FARS2: variants seen among roughly 807,000 people sequenced by gnomAD.
The protein encoded by FARS2 is phenylalanine--tRNA ligase, mitochondrial.
In FARS2, 40 loss-of-function variants were observed where a neutral mutation model predicts 46.4. The observed-to-expected ratio is 0.86, with a 90% confidence interval of 0.67 to 1.12. The LOEUF is 1.12. Ranked by LOEUF, FARS2 falls within the 50% of genes most tolerant of loss-of-function variation. The pLI is 0.00. For synonymous variants in FARS2, 234 were observed against 214.9 expected, an observed-to-expected ratio of 1.09 and a Z score of -0.78; for missense variants, 513 against 567.9, an observed-to-expected ratio of 0.90 and a Z score of 0.98.
chr6:5,285,964 G>A (rs73718040), intron 1 of FARS2, among the ~76,000 whole-genome samples: 5,630 of 152,136 alleles, frequency 0.037, 358 homozygotes, highest in African/African-American at 0.13. Flanking sequence ...TCCCACCCAC[G>A]GTCTCATACA....
At chr6:5,707,375 C>T (rs1358157336) in intron 6 of FARS2, among the ~76,000 whole-genome samples, 2 of 152,172 alleles carry the variant, frequency 1.3e-5, no homozygotes, top group South Asian at 2.1e-4. Context: ...CATCTGAAAA[C>T]CTTGGTGCTA....
intron 1 of FARS2, among the ~76,000 whole-genome samples, chr6:5,284,592 A>G (rs1766982108): frequency 6.6e-6 from 1 of 152,106 alleles, no homozygotes; most frequent in African/African-American, 2.4e-5. Context: ...TTTATATGTT[A>G]TTTATCACTG....
At chr6:5,521,457 G>A (rs377370807) in intron 4 of FARS2, among the ~76,000 whole-genome samples, 3 of 152,064 alleles carry the variant, frequency 2.0e-5, no homozygotes, top group East Asian at 3.9e-4. Flanking sequence ...TTTATTTCCT[G>A]TTGTGTCCCC....
intron 1 of FARS2, among the ~76,000 whole-genome samples, chr6:5,364,533 TTAA>T (rs1398910175): frequency 6.6e-6 from 1 of 152,190 alleles, no homozygotes; most frequent in Non-Finnish European, 1.5e-5. Flanking sequence ...GAAGATTTTA[TTAA>T]TAGTGTAGAA....
chr6:5,354,060 A>G (rs368843830), intron 1 of FARS2, among the ~76,000 whole-genome samples: 10 of 150,326 alleles, frequency 6.7e-5, no homozygotes, highest in African/African-American at 2.2e-4. Flanking sequence ...TCTCCATCTC[A>G]TCTAGAGATT....
chr6:5,399,727 A>G (rs914236425), intron 2 of FARS2, among the ~76,000 whole-genome samples: 4 of 152,188 alleles, frequency 2.6e-5, no homozygotes, highest in African/African-American at 9.7e-5. Flanking sequence ...AGCAAGTAAT[A>G]TATGCCCTCT....
chr6:5,634,852 A>T (rs755797063), intron 6 of FARS2, among the ~76,000 whole-genome samples: 69 of 152,316 alleles, frequency 4.5e-4, no homozygotes, highest in Admixed American at 3.7e-3. Flanking sequence ...GGGCAGATTG[A>T]TCAATTTCCT....
chr6:5,383,461 G>A (rs1424737), intron 2 of FARS2, among the ~76,000 whole-genome samples: 35,665 of 152,106 alleles, frequency 0.23, 5,310 homozygotes, highest in East Asian at 0.42. Context: ...CTAGCGAAAC[G>A]AGAGGCAAAT....
chr6:5,443,545 C>T (rs1297384974), intron 4 of FARS2, among the ~76,000 whole-genome samples: 2 of 152,166 alleles, frequency 1.3e-5, no homozygotes, highest in Non-Finnish European at 1.5e-5. Context: ...TTTTTTTGCC[C>T]TTTTTAGCTT....
intron 4 of FARS2, among the ~76,000 whole-genome samples, chr6:5,539,696 CT>C (rs773216899): frequency 1.1e-4 from 16 of 152,194 alleles, no homozygotes; most frequent in Non-Finnish European, 1.9e-4. Flanking sequence ...TGATTAATGA[CT>C]TTAATTTTAA....
intron 5 of FARS2, among the ~76,000 whole-genome samples, chr6:5,602,670 A>AAAAAG (rs1554114901): frequency 7.3e-6 from 1 of 137,686 alleles, no homozygotes; most frequent in Non-Finnish European, 1.5e-5. Context: ...AAAAAAAAAA[A>AAAAAG]GGGAACCTCC....
At chr6:5,739,296 G>C (rs1374184448) in intron 6 of FARS2, among the ~76,000 whole-genome samples, 1 of 148,016 alleles carries the variant, frequency 6.8e-6, no homozygotes, top group African/African-American at 2.5e-5. Context: ...AGGAGTTCAA[G>C]ACTAGCTTGG....
rs978728182 is a variant in FARS2 at position 5,395,045 on chromosome 6, G to A, written c.613-9497G>A. On this transcript the variant is annotated intron_variant, in intron 2 of 6. Coordinates refer to ENST00000274680, the MANE Select transcript of FARS2 (RefSeq NM_006567.5). The stretch of plus-strand genomic sequence containing the variant: ...AGTTCTCTTTTCTAGCTGAATGACC[G>A]TCAACATTGTGCTGATTGGTTTTGA... 7.2e-5 allele frequency among the ~76,000 whole-genome samples: 11 copies of A among 151,756 alleles called. No homozygotes were observed. The East Asian group carries it at 9.7e-4, about 13-fold the overall frequency.
chr6:5,287,804 T>C (rs1323812864), intron 1 of FARS2, among the ~76,000 whole-genome samples: 5 of 152,208 alleles, frequency 3.3e-5, no homozygotes, highest in African/African-American at 4.8e-5. Flanking sequence ...CTTCTTCAAA[T>C]TACTCCAGCC....
chr6:5,644,427 A>T (rs536159583), intron 6 of FARS2, among the ~76,000 whole-genome samples: 1 of 152,024 alleles, frequency 6.6e-6, no homozygotes, highest in Non-Finnish European at 1.5e-5. Context: ...TGTTGCTCAG[A>T]CTGGTCTTGA....
chr6:5,717,039 G>T (rs1259823167), intron 6 of FARS2, among the ~76,000 whole-genome samples: 1 of 152,240 alleles, frequency 6.6e-6, no homozygotes, highest in African/African-American at 2.4e-5. Flanking sequence ...AGCAAGTCCT[G>T]TCTCTTCAGA....
intron 6 of FARS2, among the ~76,000 whole-genome samples, chr6:5,657,108 C>T (rs1316850413): frequency 1.3e-5 from 2 of 152,126 alleles, no homozygotes; most frequent in African/African-American, 4.8e-5. Flanking sequence ...ATATGTATCA[C>T]AATATGTGAA....
At chr6:5,731,883 T>A (rs1169787288) in intron 6 of FARS2, among the ~76,000 whole-genome samples, 1 of 152,150 alleles carries the variant, frequency 6.6e-6, no homozygotes, top group East Asian at 1.9e-4. Flanking sequence ...GTTTATTCTT[T>A]CATGTTTCAT....
chr6:5,493,760 ATAG>A (rs1430612986), intron 4 of FARS2, among the ~76,000 whole-genome samples: 21 of 152,380 alleles, frequency 1.4e-4, no homozygotes, highest in African/African-American at 5.0e-4. Flanking sequence ...GGTCTCTTAC[ATAG>A]TAGGTGCTCA....
Sources: gnomAD v4.1 joint callset for allele counts (sites outside exome capture counted in the v4.1 genomes callset) on GRCh38, gnomAD v4.1.1 for gene constraint, MANE v1.5 for transcripts, NCBI Gene and HGNC (gene_info 2026-07-23, HGNC 2026-07-21) for gene names.